ATL1: variants seen among roughly 807,000 people sequenced by gnomAD.
ATL1 encodes the protein atlastin GTPase 1.
Under a neutral mutation model 75.5 loss-of-function variants are expected in ATL1, and 31 were observed. That is an observed-to-expected ratio of 0.41 (90% confidence interval 0.31 to 0.55). The LOEUF (loss-of-function observed/expected upper bound fraction) is 0.55. Ranked by LOEUF, ATL1 falls within the 20% of genes least tolerant of loss-of-function variation. The pLI, the probability that ATL1 is intolerant of heterozygous loss-of-function variation, is 0.27. For missense variants in ATL1, 405 were observed against 662.6 expected (o/e 0.61, Z 4.27); for synonymous variants, 226 against 233.3 (o/e 0.97, Z 0.28).
chr14:50,583,825 G>T (rs1214928604), intron 1 of ATL1, among the ~76,000 whole-genome samples: 1 of 152,124 alleles, frequency 6.6e-6, no homozygotes, highest in Non-Finnish European at 1.5e-5. Context: ...AATTGGTGCT[G>T]GTGTAGAGAA....
chr14:50,587,739 C>G (rs947705853), intron 1 of ATL1, 92 bp from the exon 2 acceptor site: 16 of 1,533,844 alleles, frequency 1.0e-5, no homozygotes, highest in Non-Finnish European at 1.4e-5. Context: ...CCAGTATGCT[C>G]CTGTGTCGGA....
At chr14:50,580,038 C>CT (rs1490343999) in intron 1 of ATL1, among the ~76,000 whole-genome samples, 4 of 152,186 alleles carry the variant, frequency 2.6e-5, no homozygotes, top group Non-Finnish European at 5.9e-5. Context: ...ATCTACTGCT[C>CT]TGTGACTTGT....
chr14:50,574,937 G>GTATA (rs71118894), intron 1 of ATL1, among the ~76,000 whole-genome samples: 687 of 23,112 alleles, frequency 0.03, 17 homozygotes, highest in Non-Finnish European at 0.04. Context: ...GTGTGTGTGT[G>GTATA]TATATATATA....
chr14:50,580,909 T>TA (rs1295484973), intron 1 of ATL1, among the ~76,000 whole-genome samples: 1 of 152,042 alleles, frequency 6.6e-6, no homozygotes, highest in Non-Finnish European at 1.5e-5. Flanking sequence ...TTATTTGTCT[T>TA]ATGTGGTTTT....
At chr14:50,542,514 G>A (rs1007062254) in intron 1 of ATL1, 7 of 152,148 alleles carry the variant, frequency 4.6e-5, no homozygotes, top group African/African-American at 1.2e-4. Context: ...TTACTGGATC[G>A]TAAGTTGAAC....
rs2038977042 is a variant in ATL1, at chr14:50,573,843, G to A, written c.34+13544G>A. Among the ~76,000 whole-genome samples the A allele has an allele frequency of 2.6e-5, 4 of 152,118 alleles. No individual in the cohort carries two copies. The South Asian group carries it at 8.3e-4, about 31-fold the overall frequency. Reference sequence around the variant, plus strand: ...ACTATGTTAAGTGTGCACAAATGTGGAATTGTTACATCTTCCTAATAAGTT... The same window carrying A: ...ACTATGTTAAGTGTGCACAAATGTGAAATTGTTACATCTTCCTAATAAGTT... On this transcript the variant is annotated intron_variant, in intron 1 of 13. Transcript: ENST00000358385.
intron 1 of ATL1, among the ~76,000 whole-genome samples, chr14:50,573,618 G>A (rs1469584800): frequency 2.6e-5 from 4 of 152,082 alleles, no homozygotes; most frequent in Non-Finnish European, 5.9e-5. Flanking sequence ...TTTTGATGCG[G>A]TATGCAATAT....
intron 12 of ATL1, among the ~76,000 whole-genome samples, chr14:50,629,282 C>G (rs1314797497): frequency 6.6e-6 from 1 of 152,106 alleles, no homozygotes; most frequent in Non-Finnish European, 1.5e-5. Flanking sequence ...ATTCTTCCAG[C>G]ATTAAGAACA....
At chr14:50,543,545 A>G (rs1012583837) in intron 1 of ATL1, among the ~76,000 whole-genome samples, 3 of 152,234 alleles carry the variant, frequency 2.0e-5, no homozygotes, top group Non-Finnish European at 4.4e-5. Flanking sequence ...GTGTGGCAGC[A>G]GAGTCATGCC....
chr14:50,598,453 C>T (rs971449331), intron 6 of ATL1, among the ~76,000 whole-genome samples: 27 of 151,864 alleles, frequency 1.8e-4, no homozygotes, highest in African/African-American at 5.8e-4. Flanking sequence ...CTCTGCCTCC[C>T]GGGTTCAAGC....
chr14:50,566,897 G>A (rs144754127), intron 1 of ATL1, among the ~76,000 whole-genome samples: 2 of 151,586 alleles, frequency 1.3e-5, no homozygotes, highest in East Asian at 1.9e-4. Context: ...TTATAAAATC[G>A]TCTTCTATAT....
rs552249091 is a variant in ATL1, at chr14:50,632,544, T to A, written c.*205T>A. ...ATGGTTATACTATTTTGTTAACATG[T>A]ACAATTTCCTGATTTTTCTTCAAAA... On this transcript the variant is annotated 3_prime_UTR_variant, in exon 14 of 14. Transcript: ENST00000358385. The A allele has an allele frequency of 6.8e-6, 3 of 440,738 alleles. No homozygotes were observed. Among genetic ancestry groups the A allele is most frequent in the Non-Finnish European group, 1.3e-5 (3 of 237,560 alleles). 27.3% of individuals were successfully genotyped at this position (440,738 alleles called of 1,614,324 possible). A position where few individuals can be genotyped will look rare whatever the true frequency, so the allele number is the denominator to read the frequency against.
intron 2 of ATL1, among the ~76,000 whole-genome samples, chr14:50,589,241 C>T (rs1244888183): frequency 6.8e-6 from 1 of 147,702 alleles, no homozygotes; most frequent in African/African-American, 2.5e-5. Flanking sequence ...TTCACTGCAA[C>T]CTCTGCCTCC....
At chr14:50,597,222 A>AC (rs1294636973) in intron 6 of ATL1, among the ~76,000 whole-genome samples, 22 of 148,360 alleles carry the variant, frequency 1.5e-4, no homozygotes, top group African/African-American at 4.2e-4. Flanking sequence ...AAAACAAACA[A>AC]AAAAAAAAAA....
At chr14:50,622,390 G>A (rs753582393) in intron 10 of ATL1, among the ~76,000 whole-genome samples, 1 of 152,020 alleles carries the variant, frequency 6.6e-6, no homozygotes, top group Non-Finnish European at 1.5e-5. Flanking sequence ...AATTTTGGCC[G>A]GGCGTGGTGG....
At chr14:50,632,078 T>C (rs2039586948) in intron 13 of ATL1, 151 bp from the exon 14 acceptor site, 2 of 543,482 alleles carry the variant, frequency 3.7e-6, no homozygotes, top group Middle Eastern at 5.1e-4. Context: ...GAAAATACTT[T>C]TGAATTTTAA....
intron 1 of ATL1, chr14:50,560,606 A>G: frequency 2.3e-6 from 1 of 429,512 alleles, no homozygotes; most frequent in Non-Finnish European, 4.3e-6. Context: ...GCCTCCGGGG[A>G]CTTGTGGGTT....
chr14:50,582,331 G>A (rs2039063616), intron 1 of ATL1, among the ~76,000 whole-genome samples: 1 of 151,552 alleles, frequency 6.6e-6, no homozygotes, highest in Non-Finnish European at 1.5e-5. Context: ...GAAAACACCA[G>A]GTTCACAAAG....
intron 1 of ATL1, 97 bp downstream of exon 1, chr14:50,560,396 T>C (rs2038822527): frequency 1.3e-6 from 2 of 1,486,198 alleles, no homozygotes; most frequent in African/African-American, 2.8e-5. Flanking sequence ...GGCTGCTAGG[T>C]GCCTGCGTCC....
Sources: allele counts gnomAD v4.1 joint callset (sites outside exome capture counted in the v4.1 genomes callset), GRCh38; gene constraint gnomAD v4.1.1; transcripts MANE v1.5; gene names NCBI Gene and HGNC (gene_info 2026-07-23, HGNC 2026-07-21).